Variants in PLXND1 observed in about 807,000 individuals in gnomAD.
PLXND1 encodes plexin-D1.
PLXND1 carries 54 observed loss-of-function variants against 197.7 expected under a neutral mutation model. That is an observed-to-expected ratio of 0.27 (90% confidence interval 0.22 to 0.34). PLXND1 has a LOEUF of 0.34. PLXND1 is among the 10% of genes least tolerant of loss of function. The probability of loss-of-function intolerance (pLI) is 1.00; values close to 1 mark genes in which losing one functional copy is unlikely to be tolerated. For synonymous variants in PLXND1, 1,180 were observed against 1,161.2 expected (o/e 1.02, Z -0.33); for missense variants, 2,127 against 2,699.2 (o/e 0.79, Z 4.70).
rs540104975 is a variant in PLXND1, at chr3:129,577,380, G to A, written c.2346+949C>T. Among the ~76,000 whole-genome samples the A allele has an allele frequency of 9.9e-5, 15 of 152,254 alleles. No individual in the cohort carries two copies. The highest frequency in any genetic ancestry group is 9.7e-4 in the East Asian group (5 of 5,162). On this transcript the variant is annotated intron_variant, in intron 9 of 35. Coordinates refer to ENST00000324093, the MANE Select transcript of PLXND1 (RefSeq NM_015103.3). This position sits in a 1 kb window ranked among gnomAD's most constrained non-coding sequence, Gnocchi z 5.0. The stretch of plus-strand genomic sequence containing the variant: ...ACACCTCCCCATCCCAGGCGCCCAC[G>A]GCCCAGGGGCAGAGCCATCCTGCCC...
intron 19 of PLXND1, among the ~76,000 whole-genome samples, 187 bp from the exon 20 acceptor site, chr3:129,570,144 AGCC>A (rs2108773749): frequency 6.6e-6 from 1 of 152,302 alleles, no homozygotes; most frequent in South Asian, 2.1e-4. Context: ...GGGCTTGTCA[AGCC>A]CTTGGTCCTG....
Position 129,605,476 on chromosome 3 carries a change from G to C in PLXND1, c.1164C>G (p.Leu388=). 1.3e-6 allele frequency: 2 copies of C among 1,499,762 alleles called. No individual in the cohort carries two copies. Among genetic ancestry groups the C allele is most frequent in the South Asian group, 2.5e-5 (2 of 79,760 alleles). 92.9% of individuals were successfully genotyped at this position (1,499,762 alleles called of 1,614,324 possible). A position where few individuals can be genotyped will look rare whatever the true frequency, so the allele number is the denominator to read the frequency against. Residue 388 remains leucine (L), a synonymous_variant, in exon 1 of 36, where the codon CTC becomes CTG. Coordinates refer to ENST00000324093, the MANE Select transcript of PLXND1 (RefSeq NM_015103.3). ...SPAARAAPAA[L]CAFRFADVRA... ...GCACGTCGGCGAAGCGGAAGGCGCA[G>C]AGTGCGGCCGGAGCAGCGCGGGCCG...
intron 29 of PLXND1, chr3:129,560,982 A>G (rs1194974967): frequency 3.2e-6 from 2 of 620,572 alleles, no homozygotes; most frequent in Non-Finnish European, 6.0e-6. Flanking sequence ...AGTGAGATCC[A>G]GAGACACACA....
chr3:129,556,549 G>C, intron 35 of PLXND1, 68 bp downstream of exon 35: 1 of 1,350,844 alleles, frequency 7.4e-7, no homozygotes, highest in East Asian at 2.3e-5. Context: ...CAAGCACCCT[G>C]AGATGTGTGT....
chr3:129,605,890 G>C lies in PLXND1; in HGVS notation c.750C>G (p.Ala250=), dbSNP rs763509799. 3.7e-6 allele frequency: 6 copies of C among 1,613,636 alleles called. No individual in the cohort carries two copies. In the Admixed American group the frequency reaches 1.0e-4, roughly 27 times the overall value. Residue 250 remains alanine (A), a synonymous_variant, in exon 1 of 36, where the codon GCC becomes GCG. Coordinates refer to ENST00000324093, the MANE Select transcript of PLXND1 (RefSeq NM_015103.3). Reference sequence around the variant, plus strand: ...GGTTGAGGTCGAAGGTGAAGAGCTTGGCCAGGTCGCCGCGCGTGTCCAGGG... The same window carrying C: ...GGTTGAGGTCGAAGGTGAAGAGCTTCGCCAGGTCGCCGCGCGTGTCCAGGG... ...IRSLDTRGDL[A]KLFTFDLNPS... is the part of the protein sequence containing the mutation.
chr3:129,569,729 T>C, intron 20 of PLXND1, 114 bp downstream of exon 20: 1 of 672,742 alleles, frequency 1.5e-6, no homozygotes, highest in Non-Finnish European at 2.7e-6. Context: ...GCCAAGCCTT[T>C]GTTCAAGCTG....
intron 25 of PLXND1, among the ~76,000 whole-genome samples, chr3:129,564,648 A>C (rs1171192732): frequency 6.6e-6 from 1 of 152,214 alleles, no homozygotes; most frequent in Non-Finnish European, 1.5e-5. Context: ...TGCTCTGCGA[A>C]GAGAGCTTAT....
At position 129,571,089 on chromosome 3, in the gene PLXND1, TC is replaced by T; in HGVS notation, c.3550del (p.Glu1184ArgfsTer34). On this transcript the variant is annotated frameshift_variant, in exon 18 of 36. Transcript: ENST00000324093. LOFTEE classifies it high-confidence loss of function. ...CCCGGGGTGGTGCTTGATCCACTTCTCCCTCTTGGCCGTAGAGAACTGTGGG... is the reference window on the plus strand; with the variant it reads ...CCCGGGGTGGTGCTTGATCCACTTCTCCTCTTGGCCGTAGAGAACTGTGGG... ...PNPQFSTAKR[E>X]KWIKHHPGEP... is the part of the protein sequence containing the mutation. 1 of 1,614,152 alleles carries T rather than the reference TC, an allele frequency of 6.2e-7. No homozygotes were observed. Among genetic ancestry groups the T allele is most frequent in the Non-Finnish European group, 8.5e-7 (1 of 1,179,998 alleles).
At chr3:129,574,227 G>T in intron 12 of PLXND1, 109 bp downstream of exon 12, 1 of 968,528 alleles carries the variant, frequency 1.0e-6, no homozygotes, top group Non-Finnish European at 1.5e-6. Flanking sequence ...CTGCACCCAT[G>T]TGTCGGTGTA....
intron 1 of PLXND1, among the ~76,000 whole-genome samples, chr3:129,593,737 C>T (rs73204267): frequency 2.4e-4 from 37 of 152,356 alleles, no homozygotes; most frequent in African/African-American, 8.4e-4. Context: ...GCCTACTCTG[C>T]GTGTGGCAAC....
In PLXND1 at chr3:129,570,852, A is replaced by C. The variant is rs1471554850; in HGVS notation, c.3684T>G (p.Ser1228=). The C allele has an allele frequency of 6.2e-7, 1 of 1,614,094 alleles. No individual in the cohort carries two copies. The highest frequency in any genetic ancestry group is 8.5e-7 in the Non-Finnish European group (1 of 1,180,020). Residue 1228 remains serine (S), a synonymous_variant, in exon 19 of 36, where the codon TCT becomes TCG. Coordinates refer to ENST00000324093, the MANE Select transcript of PLXND1 (RefSeq NM_015103.3). ...GQVSCDIQIV[S]DRIIHCSVNE... ...TGACCGAGCAGTGGATGATTCTGTC[A>C]GAGACAATCTGGATGTCGCAGCTTA...
chr3:129,557,026 C>T lies in PLXND1; in HGVS notation c.5586+57G>A, dbSNP rs955622445. 42 of 1,587,498 alleles carry T rather than the reference C, an allele frequency of 2.6e-5. No homozygotes were observed. In the East Asian group the frequency reaches 3.1e-4, roughly 12 times the overall value. ...AGTGGAGGCATTGAGGCCCAGCCCC[C>T]GACCCCCGATCCCTCAGCTCTTCAG... On this transcript the variant is annotated intron_variant, in intron 34 of 35. Transcript: ENST00000324093. This position sits in a 1 kb window ranked among gnomAD's most constrained non-coding sequence, Gnocchi z 4.8.
rs1423048869 is a variant in PLXND1 at position 129,569,835 on chromosome 3, C to G, written c.3865+8G>C. 1 of 1,525,664 alleles carries G rather than the reference C, an allele frequency of 6.6e-7. No individual in the cohort carries two copies. Among genetic ancestry groups the G allele is most frequent in the Non-Finnish European group, 9.1e-7 (1 of 1,099,504 alleles). The allele number at this position is 1,525,664 out of a possible 1,614,324, so 94.5% of individuals were successfully genotyped here. A position where few individuals can be genotyped will look rare whatever the true frequency, so the allele number is the denominator to read the frequency against. On this transcript the variant is annotated splice_region_variant and intron_variant, in intron 20 of 35. Transcript: ENST00000324093. ...CCTCCAAGGTGTCCTGAGGGTGGGG[C>G]TCCTTACCCACCACGGAGAGCAGCA... is the stretch of plus-strand genomic sequence containing the variant.
chr3:129,566,099 C>CT (rs1486633181), intron 23 of PLXND1, 82 bp from the exon 24 acceptor site: 1 of 1,444,128 alleles, frequency 6.9e-7, no homozygotes. Context: ...ACGACGGCTG[C>CT]TTGTATGCCT....
chr3:129,576,253 G>A (rs1457961031), intron 9 of PLXND1, among the ~76,000 whole-genome samples: 1 of 152,154 alleles, frequency 6.6e-6, no homozygotes. Flanking sequence ...CGCCCAACAC[G>A]GCCAGACTCT....
At chr3:129,559,889 G>A (rs2108763094) in intron 31 of PLXND1, 106 bp from the exon 32 acceptor site, 1 of 997,678 alleles carries the variant, frequency 1.0e-6, no homozygotes. Flanking sequence ...TGCTGAATGA[G>A]GAAGCCACAT....
At position 129,558,953 on chromosome 3, in the gene PLXND1, G is replaced by C. The variant is rs902810313; in HGVS notation, c.5298-378C>G. Among the ~76,000 whole-genome samples, 3 of 152,124 alleles carry C rather than the reference G, an allele frequency of 2.0e-5. No individual in the cohort carries two copies. Among genetic ancestry groups the C allele is most frequent in the African/African-American group, 4.8e-5 (2 of 41,420 alleles). ...AGCAGAGCAGCTGTGGCAGGGCTGT[G>C]GGGGGCAGGGCCTGGAGCTCTGGCC... On this transcript the variant is annotated intron_variant, in intron 32 of 35. Coordinates refer to ENST00000324093, the MANE Select transcript of PLXND1 (RefSeq NM_015103.3). This position sits in a 1 kb window ranked among gnomAD's most constrained non-coding sequence, Gnocchi z 4.1.
intron 20 of PLXND1, chr3:129,569,170 T>C (rs991066333): frequency 2.6e-5 from 4 of 152,452 alleles, no homozygotes; most frequent in African/African-American, 9.6e-5. Context: ...ATTGTATGAA[T>C]AGATCATATT....
chr3:129,572,914 T>C lies in PLXND1; in HGVS notation c.2865A>G (p.Pro955=). Residue 955 remains proline (P), a synonymous_variant, in exon 14 of 36, where the codon CCA becomes CCG. Coordinates refer to ENST00000324093, the MANE Select transcript of PLXND1 (RefSeq NM_015103.3). ...EEIVCVTGPA[P]GPLSGVVTVN... The stretch of plus-strand genomic sequence containing the variant: ...CGGTCACCACACCTGAGAGTGGTCC[T>C]GGGGCTGGCCCTGTGACACACACGA... 8 of 1,613,496 alleles carry C rather than the reference T, an allele frequency of 5.0e-6. No homozygotes were observed. Among genetic ancestry groups the C allele is most frequent in the Non-Finnish European group, 6.8e-6 (8 of 1,179,684 alleles).
Sources: gnomAD v4.1 joint callset for allele counts (sites outside exome capture counted in the v4.1 genomes callset) on GRCh38, gnomAD v4.1.1 for gene constraint, Gnocchi (gnomAD v3.1) non-coding constraint, MANE v1.5 for transcripts, NCBI Gene and HGNC (gene_info 2026-07-23, HGNC 2026-07-21) for gene names.